ERBB4: variants seen among roughly 807,000 people sequenced by gnomAD.
The protein encoded by ERBB4 is receptor tyrosine-protein kinase erbB-4.
ERBB4 carries 42 observed loss-of-function variants against 158.0 expected under a neutral mutation model. The observed-to-expected ratio is 0.27, with a 90% CI of 0.21 to 0.34. The LOEUF is 0.34. Among genes scored for constraint, ERBB4 ranks in the 10% least tolerant of loss-of-function variants. The pLI, the probability that ERBB4 is intolerant of heterozygous loss-of-function variation, is 1.00. For synonymous variants in ERBB4, 583 were observed against 558.7 expected (o/e 1.04, Z -0.61); for missense variants, 1,333 against 1,624.1 (o/e 0.82, Z 3.08).
intron 1 of ERBB4, among the ~76,000 whole-genome samples, chr2:212,179,711 T>A (rs79144152): frequency 0.028 from 4,184 of 151,664 alleles, 169 homozygotes; most frequent in African/African-American, 0.094. Context: ...TAAGCCAAGT[T>A]GCTATAAATC....
intron 1 of ERBB4, among the ~76,000 whole-genome samples, chr2:212,440,414 T>C (rs2092228825): frequency 6.6e-6 from 1 of 152,208 alleles, no homozygotes; most frequent in Non-Finnish European, 1.5e-5. Flanking sequence ...TCAATTTTGG[T>C]ACTCGGACTG....
chr2:211,861,672 T>C (rs1025844772), intron 3 of ERBB4, among the ~76,000 whole-genome samples: 3 of 152,176 alleles, frequency 2.0e-5, no homozygotes, highest in Non-Finnish European at 1.5e-5. Context: ...TCTTGGGTTA[T>C]CTTTAAGAAT....
intron 1 of ERBB4, among the ~76,000 whole-genome samples, chr2:212,215,397 G>A (rs1033130547): frequency 1.3e-5 from 2 of 151,330 alleles, no homozygotes; most frequent in African/African-American, 4.8e-5. Context: ...TTTTTTCTAA[G>A]GCTCAAATTG....
At chr2:211,536,435 T>A (rs531821517) in intron 20 of ERBB4, among the ~76,000 whole-genome samples, 1 of 151,996 alleles carries the variant, frequency 6.6e-6, no homozygotes, top group East Asian at 1.9e-4. Flanking sequence ...CGGCTTCCCA[T>A]TGGGGAAGAG....
chr2:212,191,816 T>G lies in ERBB4; in HGVS notation c.83-66913A>C, dbSNP rs1215675288. Among the ~76,000 whole-genome samples the G allele has an allele frequency of 2.2e-4, 30 of 138,432 alleles. 1 individual carries two copies. The highest frequency in any genetic ancestry group is 4.6e-4 in the Non-Finnish European group (29 of 63,056). The allele number at this position is 138,432 out of a possible 152,430, so 90.8% of individuals were successfully genotyped here. On this transcript the variant is annotated intron_variant, in intron 1 of 27. Coordinates refer to ENST00000342788, the MANE Select transcript of ERBB4 (RefSeq NM_005235.3). ...TCTATATGTTATATATAATACATGT[T>G]ATATATGTTCTATGTTATATATAAT...
chr2:212,327,934 C>T (rs2087937110), intron 1 of ERBB4, among the ~76,000 whole-genome samples: 2 of 150,586 alleles, frequency 1.3e-5, no homozygotes, highest in Non-Finnish European at 3.0e-5. Flanking sequence ...CTTTAATTCT[C>T]AGATTGGGCC....
intron 19 of ERBB4, among the ~76,000 whole-genome samples, chr2:211,578,053 C>T (rs986842806): frequency 6.6e-6 from 1 of 152,048 alleles, no homozygotes; most frequent in Non-Finnish European, 1.5e-5. Flanking sequence ...TCAAGAAAAC[C>T]CCATTGTCTC....
chr2:211,963,991 G>A (rs1412304262), intron 2 of ERBB4, among the ~76,000 whole-genome samples: 2 of 152,128 alleles, frequency 1.3e-5, no homozygotes, highest in African/African-American at 2.4e-5. Flanking sequence ...CTTGTTACAG[G>A]TACAGTAGAC....
At chr2:212,417,857 A>G (rs1365589923) in intron 1 of ERBB4, among the ~76,000 whole-genome samples, 3 of 152,002 alleles carry the variant, frequency 2.0e-5, no homozygotes, top group Non-Finnish European at 4.4e-5. Flanking sequence ...TATTCTCTCA[A>G]TATTCATATA....
intron 1 of ERBB4, among the ~76,000 whole-genome samples, chr2:212,255,818 T>A (rs1250412553): frequency 1.3e-5 from 2 of 151,986 alleles, no homozygotes; most frequent in Non-Finnish European, 2.9e-5. Flanking sequence ...GCACATAGAA[T>A]ACTTTGTGTC....
At chr2:212,213,337 G>T (rs189473388) in intron 1 of ERBB4, among the ~76,000 whole-genome samples, 43 of 152,120 alleles carry the variant, frequency 2.8e-4, no homozygotes, top group Admixed American at 1.7e-3. Flanking sequence ...GATCATCAGA[G>T]AAATGAAAAA....
chr2:211,753,813 T>C (rs1426861302), intron 4 of ERBB4, among the ~76,000 whole-genome samples: 1 of 148,924 alleles, frequency 6.7e-6, no homozygotes, highest in South Asian at 2.1e-4. Flanking sequence ...ACTTTCTTCC[T>C]GCCCTCTCTT....
chr2:212,489,727 A>G (rs1263035213), intron 1 of ERBB4, among the ~76,000 whole-genome samples: 4 of 151,240 alleles, frequency 2.6e-5, no homozygotes, highest in African/African-American at 9.7e-5. Flanking sequence ...ATATACATAT[A>G]TATATATATT....
In ERBB4 at chr2:211,379,928, G is replaced by T; in HGVS notation, c.*3687C>A. On this transcript the variant is annotated 3_prime_UTR_variant, in exon 28 of 28. Transcript: ENST00000342788. ...GTCCTTCCAACTTCATCTAGTAGCA[G>T]AGCCTCACACAGTCCTTTTCTTGAT... The T allele has an allele frequency of 4.3e-6, 1 of 232,060 alleles. No individual in the cohort carries two copies. The allele number at this position is 232,060 out of a possible 1,614,324, so 14.4% of individuals were successfully genotyped here. A position where few individuals can be genotyped will look rare whatever the true frequency, so the allele number is the denominator to read the frequency against.
intron 1 of ERBB4, among the ~76,000 whole-genome samples, chr2:212,169,176 C>G (rs1243663434): frequency 2.0e-5 from 3 of 151,830 alleles, no homozygotes; most frequent in Non-Finnish European, 4.4e-5. Flanking sequence ...GAAATTTATT[C>G]TATAGAAATG....
At chr2:211,923,424 G>A (rs1480599747) in intron 3 of ERBB4, among the ~76,000 whole-genome samples, 1 of 152,140 alleles carries the variant, frequency 6.6e-6, no homozygotes. Flanking sequence ...GACCAAATGT[G>A]CAGATGAATT....
chr2:212,132,018 T>C (rs751273873), intron 1 of ERBB4, among the ~76,000 whole-genome samples: 37 of 152,218 alleles, frequency 2.4e-4, no homozygotes, highest in Non-Finnish European at 4.9e-4. Context: ...TGTGTGGGTG[T>C]GTCTGTTTCT....
At chr2:211,567,880 T>C (rs2067598633) in intron 19 of ERBB4, among the ~76,000 whole-genome samples, 1 of 151,776 alleles carries the variant, frequency 6.6e-6, no homozygotes, top group Non-Finnish European at 1.5e-5. Context: ...TTATTTAGAC[T>C]GATGAGTGGG....
At chr2:212,459,153 T>C (rs1688449687) in intron 1 of ERBB4, among the ~76,000 whole-genome samples, 1 of 152,176 alleles carries the variant, frequency 6.6e-6, no homozygotes, top group Non-Finnish European at 1.5e-5. Context: ...AAGAAAACTT[T>C]AGCCTTCATA....
Sources: allele counts gnomAD v4.1 joint callset (sites outside exome capture counted in the v4.1 genomes callset), GRCh38; gene constraint gnomAD v4.1.1; transcripts MANE v1.5; gene names NCBI Gene and HGNC (gene_info 2026-07-23, HGNC 2026-07-21).